Variants in NELL2 observed in about 807,000 individuals in gnomAD.
NELL2 encodes the protein neural EGFL like 2, also known as protein kinase C-binding protein NELL2.
A neutral mutation model predicts 109.6 loss-of-function variants in NELL2; 41 were observed. That is an observed-to-expected ratio of 0.37 (90% CI 0.29 to 0.49). The LOEUF (loss-of-function observed/expected upper bound fraction) is 0.49, where lower values mean the gene tolerates loss of function less well. NELL2 is among the 20% of genes least tolerant of loss of function. The pLI is 0.98. For missense variants in NELL2, 900 were observed against 1,008.3 expected (o/e 0.89, Z 1.45); for synonymous variants, 355 against 344.7 (o/e 1.03, Z -0.33).
chr12:44,808,032 G>T (rs1211051582), intron 3 of NELL2, among the ~76,000 whole-genome samples: 3 of 152,068 alleles, frequency 2.0e-5, no homozygotes, highest in Non-Finnish European at 4.4e-5. Context: ...GAATAGGATG[G>T]TTGCCTGGAA....
rs1000278683 is a variant in NELL2 at position 44,658,661 on chromosome 12, G to A, written c.1444+6823C>T. The stretch of plus-strand genomic sequence containing the variant: ...AATCCTAAGCAAAAAGGGATCACCA[G>A]GTCAGGAGATCGAGACCATCCTGCC... On this transcript the variant is annotated intron_variant, in intron 13 of 19. Coordinates refer to ENST00000429094, the MANE Select transcript of NELL2 (RefSeq NM_001145108.2). Among the ~76,000 whole-genome samples the A allele has an allele frequency of 4.6e-5, 7 of 152,040 alleles. No homozygotes were observed. In the East Asian group the frequency reaches 7.7e-4, roughly 17 times the overall value.
chr12:44,794,110 T>C (rs139579728), intron 3 of NELL2, among the ~76,000 whole-genome samples: 2 of 152,220 alleles, frequency 1.3e-5, no homozygotes, highest in Non-Finnish European at 2.9e-5. Flanking sequence ...TGGTTGAACA[T>C]CTAACCCTAA....
chr12:44,674,476 T>C (rs1160323798), intron 12 of NELL2, among the ~76,000 whole-genome samples: 1 of 152,160 alleles, frequency 6.6e-6, no homozygotes, highest in Admixed American at 6.6e-5. Flanking sequence ...AGACCTCATG[T>C]TATTTTGCTG....
At position 44,547,454 on chromosome 12, in the gene NELL2, T is replaced by A. The variant is rs544928922; in HGVS notation, c.1664-14733A>T. 5.3e-5 allele frequency among the ~76,000 whole-genome samples: 8 copies of A among 152,310 alleles called. No individual in the cohort carries two copies. The East Asian group carries it at 1.5e-3, about 29-fold the overall frequency. On this transcript the variant is annotated intron_variant, in intron 15 of 19. Coordinates refer to ENST00000429094, the MANE Select transcript of NELL2 (RefSeq NM_001145108.2). ...AACGAGGTAGGATCAAAATTATGAA[T>A]AAAATATTACTCCAGCATGTAAATA...
rs143943744 is a variant in NELL2 at position 44,634,639 on chromosome 12, G to A, written c.1445-23669C>T. On this transcript the variant is annotated intron_variant, in intron 13 of 19. Transcript: ENST00000429094. ...ATAGTGCTGCAATAAACATGCGTGT[G>A]TATGTGTCTTTATATTAGAATGATT... Among the ~76,000 whole-genome samples, 1,250 of 152,276 alleles carry A rather than the reference G, an allele frequency of 8.2e-3. 8 individuals carry two copies. Among genetic ancestry groups the A allele is most frequent in the Non-Finnish European group, 0.012 (835 of 68,028 alleles).
chr12:44,539,909 C>T (rs925194577), intron 15 of NELL2, among the ~76,000 whole-genome samples: 1 of 152,156 alleles, frequency 6.6e-6, no homozygotes, highest in African/African-American at 2.4e-5. Flanking sequence ...GGAACACTCA[C>T]TATGCCACAC....
rs1442545427 is a variant in NELL2 at position 44,714,904 on chromosome 12, A to C, written c.995-163T>G. ...TCTACTGCAAGGCACATGTAAACTT[A>C]AATTAGTGTCATGCAAATTAAGTTG... On this transcript the variant is annotated intron_variant, in intron 9 of 19. Transcript: ENST00000429094. 2.6e-5 allele frequency among the ~76,000 whole-genome samples: 4 copies of C among 152,152 alleles called. No individual in the cohort carries two copies. In the East Asian group the frequency reaches 7.7e-4, roughly 29 times the overall value.
At chr12:44,893,489 A>G (rs1945559119) in intron 1 of NELL2, among the ~76,000 whole-genome samples, 1 of 152,176 alleles carries the variant, frequency 6.6e-6, no homozygotes, top group South Asian at 2.1e-4. Context: ...TTAACTAACA[A>G]GTGTTAGCAT....
chr12:44,849,915 T>C (rs1944483561), intron 2 of NELL2, among the ~76,000 whole-genome samples: 1 of 152,152 alleles, frequency 6.6e-6, no homozygotes. Context: ...TCCATTTGTA[T>C]AAAATCCAAA....
intron 10 of NELL2, among the ~76,000 whole-genome samples, chr12:44,713,083 T>C (rs572634227): frequency 6.6e-6 from 1 of 151,624 alleles, no homozygotes; most frequent in Non-Finnish European, 1.5e-5. Context: ...TCTTATATAA[T>C]AGCAAATTTA....
chr12:44,868,244 C>T (rs1182216845), intron 2 of NELL2, among the ~76,000 whole-genome samples: 1 of 151,610 alleles, frequency 6.6e-6, no homozygotes, highest in African/African-American at 2.4e-5. Context: ...GGTGAAAGAG[C>T]TGTATACTGA....
At chr12:44,855,890 T>C (rs1024744677) in intron 2 of NELL2, among the ~76,000 whole-genome samples, 8 of 152,204 alleles carry the variant, frequency 5.3e-5, no homozygotes, top group African/African-American at 1.7e-4. Context: ...ATTTTTTCCA[T>C]GCCTCTCCAC....
chr12:44,914,326 T>C (rs879401162), upstream of NELL2, among the ~76,000 whole-genome samples: 5 of 152,182 alleles, frequency 3.3e-5, no homozygotes, highest in African/African-American at 7.2e-5. Flanking sequence ...TTACTGTCAA[T>C]ATTTCTAAAA....
chr12:44,735,530 A>G (rs1939595367), intron 9 of NELL2, among the ~76,000 whole-genome samples: 1 of 152,186 alleles, frequency 6.6e-6, no homozygotes, highest in Non-Finnish European at 1.5e-5. Flanking sequence ...TTGGAATTCC[A>G]GCTTATTGTG....
chr12:44,875,398 A>T (rs1411275010), intron 1 of NELL2, 45 bp from the exon 2 acceptor site: 1 of 1,614,026 alleles, frequency 6.2e-7, no homozygotes, highest in Non-Finnish European at 8.5e-7. Flanking sequence ...GAAAAGCTCC[A>T]TCAAAATGCA....
intron 12 of NELL2, among the ~76,000 whole-genome samples, chr12:44,693,828 A>T (rs545030432): frequency 6.6e-6 from 1 of 152,320 alleles, no homozygotes; most frequent in South Asian, 2.1e-4. Flanking sequence ...AATGATTCTC[A>T]TGAAAAAATA....
intron 5 of NELL2, among the ~76,000 whole-genome samples, chr12:44,778,859 T>C (rs1344397844): frequency 1.3e-5 from 2 of 152,212 alleles, no homozygotes; most frequent in African/African-American, 4.8e-5. Flanking sequence ...CTTAAATAAG[T>C]TCCCAAAACA....
At chr12:44,804,452 C>T (rs1028447684) in intron 3 of NELL2, among the ~76,000 whole-genome samples, 1 of 151,774 alleles carries the variant, frequency 6.6e-6, no homozygotes, top group African/African-American at 2.4e-5. Flanking sequence ...AACATAAACT[C>T]CACTGTCAAT....
chr12:44,580,976 A>G (rs895003429), intron 15 of NELL2, among the ~76,000 whole-genome samples: 2 of 152,226 alleles, frequency 1.3e-5, no homozygotes, highest in African/African-American at 4.8e-5. Flanking sequence ...CAATAAAGTA[A>G]AACATGTTAC....
Sources: gnomAD v4.1 joint callset for allele counts (sites outside exome capture counted in the v4.1 genomes callset) on GRCh38, gnomAD v4.1.1 for gene constraint, MANE v1.5 for transcripts, NCBI Gene and HGNC (gene_info 2026-07-23, HGNC 2026-07-21) for gene names.